Variants in PTPRT observed in about 807,000 individuals in gnomAD.
The protein encoded by PTPRT is receptor-type tyrosine-protein phosphatase T.
A neutral mutation model predicts 176.8 loss-of-function variants in PTPRT; 56 were observed. That is an observed-to-expected ratio of 0.32 (90% CI 0.26 to 0.40). PTPRT has a LOEUF of 0.40. Ranked by LOEUF, PTPRT falls within the 10% of genes least tolerant of loss-of-function variation. PTPRT has a pLI of 1.00. For missense variants in PTPRT, 1,540 were observed against 1,908.2 expected (o/e 0.81, Z 3.60); for synonymous variants, 783 against 739.0 (o/e 1.06, Z -0.96).
At chr20:42,159,648 T>C (rs555406202) in intron 17 of PTPRT, among the ~76,000 whole-genome samples, 1 of 152,270 alleles carries the variant, frequency 6.6e-6, no homozygotes, top group East Asian at 1.9e-4. Flanking sequence ...GATTTGTAGA[T>C]GAGAATATGA....
rs370294298 is a variant in PTPRT at position 42,102,496 on chromosome 20, T to C, written c.3541-199A>G. Among the ~76,000 whole-genome samples the C allele has an allele frequency of 1.6e-4, 25 of 152,316 alleles. No individual in the cohort carries two copies. The East Asian group carries it at 4.6e-3, about 28-fold the overall frequency. On this transcript the variant is annotated intron_variant, in intron 25 of 30. Coordinates refer to ENST00000373187, the MANE Select transcript of PTPRT (RefSeq NM_007050.6). ...GCTCCCTGCTATAGGGTGTGTGAGCTGTGTGACACCTTCAAAACGCCAAGG... is the reference window on the plus strand; with the variant it reads ...GCTCCCTGCTATAGGGTGTGTGAGCCGTGTGACACCTTCAAAACGCCAAGG...
chr20:43,084,531 C>T (rs752103692), intron 1 of PTPRT, among the ~76,000 whole-genome samples: 38 of 152,220 alleles, frequency 2.5e-4, no homozygotes, highest in Middle Eastern at 3.4e-3. Context: ...TGGGGGAAAC[C>T]GCCCCCATGA....
At chr20:42,784,725 T>C (rs560688023) in intron 3 of PTPRT, among the ~76,000 whole-genome samples, 10 of 144,320 alleles carry the variant, frequency 6.9e-5, no homozygotes, top group South Asian at 4.4e-4. Context: ...GGGGCCTATA[T>C]AGCGATAATA....
At chr20:43,149,160 T>C (rs2014264407) in intron 1 of PTPRT, among the ~76,000 whole-genome samples, 1 of 152,248 alleles carries the variant, frequency 6.6e-6, no homozygotes, top group Admixed American at 6.5e-5. Context: ...TTAAATGTGG[T>C]ATGTTTCTTT....
chr20:42,040,754 GAC>G, the PTPRT span, among the ~76,000 whole-genome samples: 8 of 152,182 alleles, frequency 5.3e-5, no homozygotes, highest in Non-Finnish European at 8.8e-5. Context: ...ACTAAATGTA[GAC>G]ACAGACATCA....
intron 2 of PTPRT, among the ~76,000 whole-genome samples, chr20:42,812,159 G>A (rs530568016): frequency 3.9e-5 from 6 of 152,002 alleles, no homozygotes; most frequent in South Asian, 2.1e-4. Context: ...TTTAACTAGG[G>A]TATGTCTTGG....
At chr20:43,034,400 T>C (rs1986287933) in intron 1 of PTPRT, among the ~76,000 whole-genome samples, 2 of 152,014 alleles carry the variant, frequency 1.3e-5, no homozygotes, top group African/African-American at 4.8e-5. Context: ...CTGGTATGTG[T>C]TGTAGGCTGG....
intron 18 of PTPRT, among the ~76,000 whole-genome samples, chr20:42,134,432 C>T (rs1031919583): frequency 6.6e-6 from 1 of 152,128 alleles, no homozygotes; most frequent in African/African-American, 2.4e-5. Flanking sequence ...GCTCCCCCGG[C>T]TCTCAGTTGA....
intron 9 of PTPRT, among the ~76,000 whole-genome samples, chr20:42,369,165 G>C (rs2058554495): frequency 6.6e-6 from 1 of 150,812 alleles, no homozygotes; most frequent in Non-Finnish European, 1.5e-5. Context: ...TTCTCACTGT[G>C]TTGCCCAGAC....
intron 12 of PTPRT, among the ~76,000 whole-genome samples, chr20:42,309,260 A>C (rs1454368153): frequency 1.3e-5 from 2 of 152,202 alleles, no homozygotes; most frequent in East Asian, 3.8e-4. Context: ...TCAACTTCAC[A>C]ATTACGGCTA....
intron 1 of PTPRT, among the ~76,000 whole-genome samples, chr20:42,968,545 C>T (rs1415266844): frequency 1.3e-5 from 2 of 152,090 alleles, no homozygotes; most frequent in Admixed American, 6.5e-5. Context: ...GGAACGGCTG[C>T]GAGTTATGAA....
intron 2 of PTPRT, among the ~76,000 whole-genome samples, chr20:42,877,666 A>G (rs1428357212): frequency 6.6e-6 from 1 of 152,158 alleles, no homozygotes; most frequent in African/African-American, 2.4e-5. Context: ...TGCGGTTACA[A>G]ATATAAATAC....
intron 2 of PTPRT, among the ~76,000 whole-genome samples, chr20:42,840,081 A>T (rs2078250650): frequency 6.6e-6 from 1 of 152,210 alleles, no homozygotes; most frequent in African/African-American, 2.4e-5. Flanking sequence ...ACCTGAAAGC[A>T]TGGTGTTGGC....
intron 7 of PTPRT, among the ~76,000 whole-genome samples, chr20:42,612,908 G>A (rs534517450): frequency 6.6e-6 from 1 of 151,996 alleles, no homozygotes; most frequent in South Asian, 2.1e-4. Context: ...GTTAACTAAA[G>A]CAAGTTTCAA....
chr20:42,626,196 C>A (rs929107128), intron 7 of PTPRT, among the ~76,000 whole-genome samples: 2 of 152,004 alleles, frequency 1.3e-5, no homozygotes, highest in Non-Finnish European at 2.9e-5. Flanking sequence ...GAAAAAAAAG[C>A]TATCAAAAAC....
At chr20:43,060,045 G>A (rs1190937771) in intron 1 of PTPRT, among the ~76,000 whole-genome samples, 3 of 151,886 alleles carry the variant, frequency 2.0e-5, no homozygotes, top group Non-Finnish European at 4.4e-5. Context: ...GTCTGTTCAA[G>A]GCAGTGTAGG....
chr20:42,727,245 A>G (rs1283180564), intron 6 of PTPRT, among the ~76,000 whole-genome samples: 1 of 152,190 alleles, frequency 6.6e-6, no homozygotes, highest in Non-Finnish European at 1.5e-5. Context: ...TATGTCCCAA[A>G]TTTGATATCC....
intron 1 of PTPRT, among the ~76,000 whole-genome samples, chr20:43,160,827 T>A (rs1457740282): frequency 1.3e-5 from 2 of 152,134 alleles, no homozygotes; most frequent in African/African-American, 2.4e-5. Flanking sequence ...ATTGGCCCTG[T>A]ACTGCTTCCT....
intron 2 of PTPRT, among the ~76,000 whole-genome samples, chr20:42,827,168 T>C (rs552209857): frequency 3.0e-4 from 45 of 152,158 alleles, no homozygotes; most frequent in Admixed American, 7.9e-4. Flanking sequence ...TTAACAAAAT[T>C]ATCTAGGACT....
Sources: gnomAD v4.1 joint callset for allele counts (sites outside exome capture counted in the v4.1 genomes callset) on GRCh38, gnomAD v4.1.1 for gene constraint, MANE v1.5 for transcripts, NCBI Gene and HGNC (gene_info 2026-07-23, HGNC 2026-07-21) for gene names.